The following CREG1 variants were observed in gnomAD, a reference collection of about 807,000 sequenced individuals.
The protein encoded by CREG1 is protein CREG1.
A neutral mutation model predicts 19.9 loss-of-function variants in CREG1; 20 were observed. That is an observed-to-expected ratio of 1.01 (90% CI 0.71 to 1.46). CREG1 has a LOEUF of 1.46. Ranked by LOEUF, CREG1 falls within the 40% of genes most tolerant of loss-of-function variation. The pLI is 0.00. For synonymous variants in CREG1, 141 were observed against 143.3 expected (o/e 0.98, Z 0.12); for missense variants, 290 against 314.9 (o/e 0.92, Z 0.60).
intron 2 of CREG1, among the ~76,000 whole-genome samples, chr1:167,547,373 T>C (rs1287058793): frequency 6.6e-6 from 1 of 152,200 alleles, no homozygotes; most frequent in African/African-American, 2.4e-5. Context: ...TATACCAATG[T>C]AAAATGTAAT....
chr1:167,546,248 A>C lies in CREG1; in HGVS notation c.512T>G (p.Leu171Ter). 1 of 1,610,256 alleles carries C rather than the reference A, an allele frequency of 6.2e-7. No individual in the cohort carries two copies. Among genetic ancestry groups the C allele is most frequent in the South Asian group, 1.1e-5 (1 of 90,354 alleles). Reference sequence around the variant, plus strand: ...TTTCATCTCAGGGTGTCGAATGAATAACGAATGCTTTGCAATATCCATTTC... The same window carrying C: ...TTTCATCTCAGGGTGTCGAATGAATCACGAATGCTTTGCAATATCCATTTC... ...ETEMDIAKHS[L>*]FIRHPEMKTW... The change falls in exon 3 of 4, where the codon TTA becomes TGA. Residue 171 changes from leucine to a stop codon, truncating the protein, a stop_gained. Transcript: ENST00000370509. LOFTEE classifies it high-confidence loss of function.
chr1:167,548,219 T>C, intron 1 of CREG1, 98 bp from the exon 2 acceptor site: 3 of 854,734 alleles, frequency 3.5e-6, no homozygotes, highest in Non-Finnish European at 5.4e-6. Context: ...AGAGCTTGAC[T>C]GGTCTTCCAC....
At chr1:167,542,743 G>A (rs1190432956) in intron 3 of CREG1, among the ~76,000 whole-genome samples, 2 of 152,218 alleles carry the variant, frequency 1.3e-5, no homozygotes, top group African/African-American at 2.4e-5. Flanking sequence ...CCACAGCTGG[G>A]AGGTGAACTT....
At chr1:167,549,853 AT>A (rs1656395154) in intron 1 of CREG1, among the ~76,000 whole-genome samples, 1 of 150,288 alleles carries the variant, frequency 6.7e-6, no homozygotes, top group Admixed American at 6.7e-5. Flanking sequence ...CCCGGCTAAT[AT>A]TTTTTTATTT....
At chr1:167,550,381 G>A (rs1656404128) in intron 1 of CREG1, among the ~76,000 whole-genome samples, 1 of 152,234 alleles carries the variant, frequency 6.6e-6, no homozygotes, top group Non-Finnish European at 1.5e-5. Context: ...GGGCAATGCT[G>A]TGACAGGTAT....
chr1:167,543,814 G>C (rs544598487), intron 3 of CREG1, among the ~76,000 whole-genome samples: 2 of 152,278 alleles, frequency 1.3e-5, no homozygotes, highest in African/African-American at 4.8e-5. Flanking sequence ...TCAGGACAAG[G>C]GAAAAATGTT....
Position 167,553,689 on chromosome 1 carries a change from G to C in CREG1, c.53C>G (p.Ala18Gly). The C allele has an allele frequency of 1.5e-6, 2 of 1,315,820 alleles. No homozygotes were observed. Among genetic ancestry groups the C allele is most frequent in the Admixed American group, 4.1e-5 (1 of 24,646 alleles). The allele number at this position is 1,315,820 out of a possible 1,614,324, so 81.5% of individuals were successfully genotyped here. Reference sequence around the variant, plus strand: ...CACGAGCAGCGCCAACAGCGTCGACGCCAGCAGGGCGGCGAGCAGTGCGCG... The same window carrying C: ...CACGAGCAGCGCCAACAGCGTCGACCCCAGCAGGGCGGCGAGCAGTGCGCG... ...SARALLAALL[A>G]STLLALLVSP... Residue 18 changes from alanine to glycine, a missense_variant, in exon 1 of 4, where the codon GCG becomes GGG. Physicochemically the swap from Ala to Gly is moderately conservative, Grantham distance 60. Transcript: ENST00000370509.
At chr1:167,548,531 C>G (rs770414915) in intron 1 of CREG1, among the ~76,000 whole-genome samples, 1 of 152,174 alleles carries the variant, frequency 6.6e-6, no homozygotes, top group Non-Finnish European at 1.5e-5. Context: ...GCTAACTACG[C>G]GATTTAAGCA....
At chr1:167,542,440 C>G in intron 3 of CREG1, 139 bp from the exon 4 acceptor site, 1 of 775,806 alleles carries the variant, frequency 1.3e-6, no homozygotes, top group Non-Finnish European at 2.0e-6. Context: ...CTAGAATATA[C>G]TAAATAACCA....
At position 167,553,455 on chromosome 1, in the gene CREG1, G is replaced by A; in HGVS notation, c.287C>T (p.Pro96Leu). 1.4e-6 allele frequency: 2 copies of A among 1,480,260 alleles called. No homozygotes were observed. Among genetic ancestry groups the A allele is most frequent in the South Asian group, 2.5e-5 (2 of 78,578 alleles). 91.7% of individuals were successfully genotyped at this position (1,480,260 alleles called of 1,614,324 possible). A position where few individuals can be genotyped will look rare whatever the true frequency, so the allele number is the denominator to read the frequency against. ...ADVLSLSDGP[P>L]GAGSGVPYFY... ...ATAGGGCACGCCGCTGCCCGCGCCC[G>A]GGGGCCCGTCGCTGAGCGAGAGGAC... Residue 96 changes from proline to leucine, a missense_variant, in exon 1 of 4, where the codon CCG becomes CTG. Pro to Leu is a moderately conservative substitution (Grantham distance 98). Transcript: ENST00000370509.
chr1:167,543,271 T>C (rs1204060191), intron 3 of CREG1, among the ~76,000 whole-genome samples: 3 of 152,162 alleles, frequency 2.0e-5, no homozygotes, highest in South Asian at 2.1e-4. Context: ...GAACTGCTTA[T>C]TCCAGGGTGC....
intron 1 of CREG1, among the ~76,000 whole-genome samples, chr1:167,550,932 G>C (rs943317162): frequency 6.6e-6 from 1 of 152,126 alleles, no homozygotes; most frequent in African/African-American, 2.4e-5. Flanking sequence ...AAAAAACCAA[G>C]AGTGACCAGA....
At chr1:167,547,367 C>G (rs1292488234) in intron 2 of CREG1, among the ~76,000 whole-genome samples, 1 of 152,132 alleles carries the variant, frequency 6.6e-6, no homozygotes, top group Non-Finnish European at 1.5e-5. Flanking sequence ...AAACATTATA[C>G]CAATGTAAAA....
intron 1 of CREG1, among the ~76,000 whole-genome samples, chr1:167,549,392 T>C (rs62845060): frequency 9.8e-4 from 1 of 1,022 alleles, no homozygotes; most frequent in African/African-American, 5.0e-3. Flanking sequence ...TTTTTTTTGT[T>C]TTTTTTTTTT....
intron 1 of CREG1, among the ~76,000 whole-genome samples, chr1:167,550,151 A>T (rs1014453995): frequency 6.6e-6 from 1 of 151,576 alleles, no homozygotes; most frequent in Non-Finnish European, 1.5e-5. Flanking sequence ...CACCATACCC[A>T]GTTAATTTTT....
chr1:167,551,906 T>C (rs1656429189), intron 1 of CREG1, among the ~76,000 whole-genome samples: 1 of 152,236 alleles, frequency 6.6e-6, no homozygotes, highest in Non-Finnish European at 1.5e-5. Flanking sequence ...AAGAGGGCAC[T>C]GCTTCTGTTT....
chr1:167,553,514 C>A lies in CREG1; in HGVS notation c.228G>T (p.Thr76=), dbSNP rs776820168. The A allele has an allele frequency of 6.7e-6, 10 of 1,489,532 alleles. No homozygotes were observed. The highest frequency in any genetic ancestry group is 8.9e-6 in the Non-Finnish European group (10 of 1,127,386). 92.3% of individuals were successfully genotyped at this position (1,489,532 alleles called of 1,614,324 possible). A position where few individuals can be genotyped will look rare whatever the true frequency, so the allele number is the denominator to read the frequency against. Residue 76 remains threonine (T), a synonymous_variant, in exon 1 of 4, where the codon ACG becomes ACT. Coordinates refer to ENST00000370509, the MANE Select transcript of CREG1 (RefSeq NM_003851.3). ...SDWGALATIS[T]LEAVRGRPFA... is the part of the protein sequence containing the mutation. ...AGGGCCGGCCGCGCACCGCCTCCAG[C>A]GTGGAGATGGTGGCCAGAGCGCCCC... is the stretch of plus-strand genomic sequence containing the variant.
rs1476949594 is a variant in CREG1 at position 167,553,373 on chromosome 1, CGG to C, written c.354+13_354+14del. On this transcript the variant is annotated intron_variant, in intron 1 of 3. Coordinates refer to ENST00000370509, the MANE Select transcript of CREG1 (RefSeq NM_003851.3). ...GCCCACAGCCCGCCTGGGGAAGCCG[CGG>C]GCCCCAGCTCACCTGCAGGTTGCTC... is the stretch of plus-strand genomic sequence containing the variant. 5 of 1,360,692 alleles carry C rather than the reference CGG, an allele frequency of 3.7e-6. No homozygotes were observed. The East Asian group carries it at 1.2e-4, about 34-fold the overall frequency. The allele number at this position is 1,360,692 out of a possible 1,614,324, so 84.3% of individuals were successfully genotyped here. A position where few individuals can be genotyped will look rare whatever the true frequency, so the allele number is the denominator to read the frequency against.
chr1:167,550,231 C>T (rs568122269), intron 1 of CREG1, among the ~76,000 whole-genome samples: 20 of 152,250 alleles, frequency 1.3e-4, no homozygotes, highest in East Asian at 9.7e-4. Context: ...TCAGGTGATC[C>T]GCTCACCTCG....
Sources: allele counts gnomAD v4.1 joint callset (sites outside exome capture counted in the v4.1 genomes callset), GRCh38; gene constraint gnomAD v4.1.1; transcripts MANE v1.5; gene names NCBI Gene and HGNC (gene_info 2026-07-23, HGNC 2026-07-21).